The following FBXO38 variants were observed in gnomAD, a reference collection of about 807,000 sequenced individuals.
The protein encoded by FBXO38 is F-box only protein 38.
In FBXO38, 53 loss-of-function variants were observed where a neutral mutation model predicts 131.9. The ratio of observed to expected loss-of-function variants is 0.40; its 90% CI spans 0.32 to 0.51. The LOEUF is 0.51. Among genes scored for constraint, FBXO38 ranks in the 20% least tolerant of loss-of-function variants. The pLI is 0.53. For synonymous variants in FBXO38, 452 were observed against 505.6 expected (o/e 0.89, Z 1.42); for missense variants, 1,076 against 1,475.6 (o/e 0.73, Z 4.44).
intron 15 of FBXO38, among the ~76,000 whole-genome samples, chr5:148,432,211 C>T (rs936975095): frequency 6.6e-6 from 1 of 152,154 alleles, no homozygotes; most frequent in Non-Finnish European, 1.5e-5. Context: ...ATATGCTCTG[C>T]TACAATATGA....
chr5:148,441,951 T>C lies in FBXO38; in HGVS notation c.3389-18T>C. ...CTGATTATCATATGTATCTCTCCTTTTATTTCTAATTTCAAAGGCACTATC... is the reference window on the plus strand; with the variant it reads ...CTGATTATCATATGTATCTCTCCTTCTATTTCTAATTTCAAAGGCACTATC... On this transcript the variant is annotated intron_variant, in intron 21 of 21. Coordinates refer to ENST00000340253, the MANE Select transcript of FBXO38 (RefSeq NM_205836.3). 6.3e-7 allele frequency: 1 copy of C among 1,599,688 alleles called. No homozygotes were observed.
intron 12 of FBXO38, 34 bp downstream of exon 12, chr5:148,417,238 A>G: frequency 7.2e-7 from 1 of 1,397,202 alleles, no homozygotes; most frequent in Non-Finnish European, 1.0e-6. Flanking sequence ...CCAGATAGAA[A>G]TGATTTTCAC....
rs910886783 is a variant in FBXO38 at position 148,409,459 on chromosome 5, C to G, written c.962+242C>G. The stretch of plus-strand genomic sequence containing the variant: ...GCTCCAGAGTGGCATGGTCTCATAT[C>G]AGAGAAAAGCAGTGGAATTTCTGGA... On this transcript the variant is annotated intron_variant, in intron 8 of 21. Transcript: ENST00000340253. Among the ~76,000 whole-genome samples the G allele has an allele frequency of 3.3e-5, 5 of 152,192 alleles. 1 individual carries two copies. The South Asian group carries it at 6.2e-4, about 19-fold the overall frequency.
At chr5:148,387,306 A>G (rs1483646919) in intron 1 of FBXO38, among the ~76,000 whole-genome samples, 2 of 152,212 alleles carry the variant, frequency 1.3e-5, no homozygotes, top group Admixed American at 1.3e-4. Context: ...TTGTTCATCT[A>G]TAAGAAGCAA....
rs147449311 is a variant in FBXO38, at chr5:148,410,566, T to C, written c.963-69T>C. Reference sequence around the variant, plus strand: ...GCATAGAAACGGACTAATACACTTATATTAGGAGGAATCTTTGATTCTGAT... The same window carrying C: ...GCATAGAAACGGACTAATACACTTACATTAGGAGGAATCTTTGATTCTGAT... On this transcript the variant is annotated intron_variant, in intron 8 of 21. Transcript: ENST00000340253. 1.1e-4 allele frequency: 173 copies of C among 1,562,498 alleles called. No homozygotes were observed. In the African/African-American group the frequency reaches 2.0e-3, roughly 18 times the overall value.
rs777501884 is a variant in FBXO38 at position 148,427,125 on chromosome 5, C to T, written c.1919-88C>T. ...ATTAGTGTTTAGTATACATTATTTC[C>T]TGTTCCAAATTTACTCTTGCGTTTT... On this transcript the variant is annotated intron_variant, in intron 14 of 21. Transcript: ENST00000340253. 1.7e-3 allele frequency: 2,445 copies of T among 1,444,372 alleles called. 8 individuals carry two copies. The highest frequency in any genetic ancestry group is 1.7e-3 in the Non-Finnish European group (1,870 of 1,075,062). The allele number at this position is 1,444,372 out of a possible 1,614,324, so 89.5% of individuals were successfully genotyped here.
In FBXO38 at chr5:148,438,387, C is replaced by A; in HGVS notation, c.2913C>A (p.Asn971Lys). The change falls in exon 18 of 22, where the codon AAC becomes AAA. Residue 971 changes from asparagine (N) to lysine (K), a missense_variant. Asn to Lys is a moderately conservative substitution (Grantham distance 94). Around this residue, in one of 8 missense-constraint regions of FBXO38, gnomAD observed 282 missense variants for 418.8 expected, o/e 0.67. Coordinates refer to ENST00000340253, the MANE Select transcript of FBXO38 (RefSeq NM_205836.3). ...HLKVENAPIV[N>K]RFDYAQCKKL... ...AGGTAGAAAATGCACCAATTGTAAA[C>A]CGATTTGACTATGCACAGTGCAAGA... 2 of 1,613,934 alleles carry A rather than the reference C, an allele frequency of 1.2e-6. No individual in the cohort carries two copies. The highest frequency in any genetic ancestry group is 8.5e-7 in the Non-Finnish European group (1 of 1,179,896).
At chr5:148,428,439 A>T (rs1362852917) in intron 15 of FBXO38, among the ~76,000 whole-genome samples, 2 of 152,230 alleles carry the variant, frequency 1.3e-5, no homozygotes, top group Non-Finnish European at 2.9e-5. Context: ...AAGATTTGCC[A>T]GGAGATAAGC....
intron 15 of FBXO38, among the ~76,000 whole-genome samples, chr5:148,432,800 C>A (rs1320925435): frequency 6.6e-6 from 1 of 152,090 alleles, no homozygotes; most frequent in Admixed American, 6.6e-5. Context: ...TGTGAATGGA[C>A]CAACAAAACA....
chr5:148,433,349 G>A (rs112695683), intron 15 of FBXO38, 75 bp from the exon 16 acceptor site: 34 of 971,720 alleles, frequency 3.5e-5, no homozygotes, highest in East Asian at 4.8e-5. Flanking sequence ...ATGTTCATAC[G>A]TATGTGATTG....
intron 8 of FBXO38, 133 bp from the exon 9 acceptor site, chr5:148,410,502 C>T: frequency 1.8e-6 from 2 of 1,122,254 alleles, no homozygotes; most frequent in Non-Finnish European, 2.6e-6. Flanking sequence ...CCATTAAAAC[C>T]TCTTTTTCTT....
At chr5:148,440,227 A>G (rs1164250308) in intron 19 of FBXO38, 197 bp from the exon 20 acceptor site, 2 of 525,710 alleles carry the variant, frequency 3.8e-6, no homozygotes, top group Non-Finnish European at 6.8e-6. Flanking sequence ...TTTTGAAGAT[A>G]GTGAAGAAAG....
intron 7 of FBXO38, among the ~76,000 whole-genome samples, chr5:148,407,785 C>T (rs770311190): frequency 2.0e-5 from 3 of 151,888 alleles, no homozygotes; most frequent in African/African-American, 4.8e-5. Context: ...ATTAGCCCGT[C>T]GTGGTGGCGG....
In FBXO38 at chr5:148,394,907, A is replaced by G; in HGVS notation, c.128+3A>G. ...GAAGTACTTTGCCATATTTTTAGGT[A>G]AGATTGTGTTTGGTTGGCTTACCTG... On this transcript the variant is annotated splice_donor_region_variant and intron_variant, in intron 2 of 21. Coordinates refer to ENST00000340253, the MANE Select transcript of FBXO38 (RefSeq NM_205836.3). The G allele has an allele frequency of 6.3e-7, 1 of 1,579,360 alleles. No homozygotes were observed. The highest frequency in any genetic ancestry group is 8.6e-7 in the Non-Finnish European group (1 of 1,163,042).
At chr5:148,398,932 A>G (rs1363039507) in intron 2 of FBXO38, 67 bp from the exon 3 acceptor site, 3 of 1,568,714 alleles carry the variant, frequency 1.9e-6, no homozygotes, top group Admixed American at 1.8e-5. Flanking sequence ...AAGGAAAAAA[A>G]AATAACTTAC....
At chr5:148,438,150 CCTT>C (rs1206648176) in intron 17 of FBXO38, among the ~76,000 whole-genome samples, 179 bp from the exon 18 acceptor site, 1 of 152,114 alleles carries the variant, frequency 6.6e-6, no homozygotes, top group African/African-American at 2.4e-5. Context: ...GCCCCTTCTA[CCTT>C]CTTTTGAATT....
At chr5:148,417,279 C>T in intron 12 of FBXO38, 75 bp downstream of exon 12, 1 of 1,036,008 alleles carries the variant, frequency 9.7e-7, no homozygotes, top group Non-Finnish European at 1.5e-6. Context: ...TTATCCTGTT[C>T]CCTTTTTCCC....
chr5:148,410,386 C>T, intron 8 of FBXO38: 1 of 485,148 alleles, frequency 2.1e-6, no homozygotes, highest in Non-Finnish European at 3.6e-6. Flanking sequence ...TTGCCTGCTG[C>T]CATCAGGCAA....
In FBXO38 at chr5:148,433,502, T is replaced by C; in HGVS notation, c.2732T>C (p.Val911Ala). 6.2e-7 allele frequency: 1 copy of C among 1,613,274 alleles called. No individual in the cohort carries two copies. Among genetic ancestry groups the C allele is most frequent in the Non-Finnish European group, 8.5e-7 (1 of 1,179,332 alleles). Reference protein sequence around the residue: ...ADKSTSTSDPVIEDDHVQVLV... With the variant: ...ADKSTSTSDPAIEDDHVQVLV... Reference sequence around the variant, plus strand: ...AAATCCACTAGTACAAGTGATCCTGTGATCGAGGATGACCATGTGCAGGTA... The same window carrying C: ...AAATCCACTAGTACAAGTGATCCTGCGATCGAGGATGACCATGTGCAGGTA... The change falls in exon 16 of 22, where the codon GTG becomes GCG. Residue 911 changes from valine (V) to alanine (A), a missense_variant. Coordinates refer to ENST00000340253, the MANE Select transcript of FBXO38 (RefSeq NM_205836.3).
Sources: gnomAD v4.1 joint callset for allele counts (sites outside exome capture counted in the v4.1 genomes callset) on GRCh38, gnomAD v4.1.1 for gene constraint, gnomAD v4.1.1 regional missense constraint, MANE v1.5 for transcripts, NCBI Gene and HGNC (gene_info 2026-07-23, HGNC 2026-07-21) for gene names.